LIAS: variants seen among roughly 807,000 people sequenced by gnomAD.
LIAS encodes the protein lipoic acid synthetase.
In LIAS, 36 loss-of-function variants were observed where a neutral mutation model predicts 49.4. That is an observed-to-expected ratio of 0.73 (90% CI 0.56 to 0.96). The LOEUF (loss-of-function observed/expected upper bound fraction) is 0.96, where lower values mean the gene tolerates loss of function less well. Among genes scored for constraint, LIAS ranks in the 40% least tolerant of loss-of-function variants. The probability of loss-of-function intolerance (pLI) is 0.00; values close to 1 mark genes in which losing one functional copy is unlikely to be tolerated. For synonymous variants in LIAS, 145 were observed against 155.8 expected (o/e 0.93, Z 0.52); for missense variants, 399 against 456.3 (o/e 0.87, Z 1.14).
chr4:39,476,277 T>A (rs1345300307), intron 10 of LIAS: 1 of 152,166 alleles, frequency 6.6e-6, no homozygotes, highest in Non-Finnish European at 1.5e-5. Flanking sequence ...TCCCACGACA[T>A]TTGGAGGAGG....
At chr4:39,476,858 C>A in intron 10 of LIAS, 1 of 509,878 alleles carries the variant, frequency 2.0e-6, no homozygotes, top group Non-Finnish European at 3.5e-6. Flanking sequence ...AGACTCTAGT[C>A]ATTATTGCTG....
At chr4:39,462,330 C>A in intron 3 of LIAS, 41 bp downstream of exon 3, 1 of 952,442 alleles carries the variant, frequency 1.0e-6, no homozygotes, top group Non-Finnish European at 1.5e-6. Flanking sequence ...TCACCAAAAG[C>A]CATGTTTCTA....
intron 8 of LIAS, among the ~76,000 whole-genome samples, 154 bp downstream of exon 8, chr4:39,470,318 C>G (rs1447164639): frequency 6.6e-6 from 1 of 151,266 alleles, no homozygotes; most frequent in East Asian, 1.9e-4. Context: ...ACCCTCAAAT[C>G]TAAAATACAA....
In LIAS at chr4:39,473,087, T is replaced by G. The variant is rs755822707; in HGVS notation, c.955-13T>G. ...ATTCTAAAATCTGATCAGAAGTAAT[T>G]ATTTAAATCTAGGTTGAAGAATATA... On this transcript the variant is annotated splice_polypyrimidine_tract_variant and intron_variant, in intron 9 of 10. Coordinates refer to ENST00000640888, the MANE Select transcript of LIAS (RefSeq NM_006859.4). The G allele has an allele frequency of 1.4e-6, 2 of 1,397,878 alleles. No individual in the cohort carries two copies. The highest frequency in any genetic ancestry group is 2.0e-6 in the Non-Finnish European group (2 of 983,248). The allele number at this position is 1,397,878 out of a possible 1,614,324, so 86.6% of individuals were successfully genotyped here.
intron 9 of LIAS, among the ~76,000 whole-genome samples, chr4:39,472,716 G>A (rs543001171): frequency 6.0e-4 from 91 of 152,326 alleles, no homozygotes; most frequent in South Asian, 2.9e-3. Context: ...GTGCTAAGCA[G>A]AAGATACAAG....
At position 39,465,043 on chromosome 4, in the gene LIAS, T is replaced by C. The variant is rs975449495; in HGVS notation, c.394-3T>C. ...CATTTAAATTGTAACATTTCTATTC[T>C]AGTTGATGGGTGACACATGTACAAG... is the stretch of plus-strand genomic sequence containing the variant. On this transcript the variant is annotated splice_polypyrimidine_tract_variant and splice_region_variant and intron_variant, in intron 4 of 10. Transcript: ENST00000640888. 1.9e-6 allele frequency: 3 copies of C among 1,610,268 alleles called. No individual in the cohort carries two copies. The highest frequency in any genetic ancestry group is 1.3e-5 in the African/African-American group (1 of 74,816).
At chr4:39,459,335 A>C in intron 1 of LIAS, 173 bp downstream of exon 1, 1 of 626,752 alleles carries the variant, frequency 1.6e-6, no homozygotes, top group Non-Finnish European at 2.8e-6. Context: ...GCCCCATGAT[A>C]TAGAGTCTCT....
chr4:39,462,563 A>C (rs1175504923), intron 3 of LIAS, among the ~76,000 whole-genome samples: 1 of 152,244 alleles, frequency 6.6e-6, no homozygotes, highest in East Asian at 1.9e-4. Flanking sequence ...TTAAATATGA[A>C]GGTATGTCAC....
rs1384158900 is a variant in LIAS, at chr4:39,471,294, G to T, written c.942G>T (p.Arg314Ser). 2 of 1,609,836 alleles carry T rather than the reference G, an allele frequency of 1.2e-6. No homozygotes were observed. The highest frequency in any genetic ancestry group is 1.7e-5 in the Admixed American group (1 of 59,814). Reference protein sequence around the residue: ...LTLGQYMQPTRRHLKVEEYIT... With the variant: ...LTLGQYMQPTSRHLKVEEYIT... Reference sequence around the variant, plus strand: ...TAGGACAATATATGCAGCCAACAAGGCGTCACCTTAAGGTACATGTATCTT... The same window carrying T: ...TAGGACAATATATGCAGCCAACAAGTCGTCACCTTAAGGTACATGTATCTT... Residue 314 changes from arginine (R) to serine (S), a missense_variant, in exon 9 of 11, where the codon AGG becomes AGT. Physicochemically the swap from Arg to Ser is moderately radical, Grantham distance 110. This residue lies in a region of LIAS where 234 missense variants were observed against 292.2 expected (regional missense o/e 0.80). Transcript: ENST00000640888.
At chr4:39,473,265 A>C in intron 10 of LIAS, 54 bp downstream of exon 10, 1 of 1,072,460 alleles carries the variant, frequency 9.3e-7, no homozygotes, top group Non-Finnish European at 1.4e-6. Flanking sequence ...TTCCACATTA[A>C]GTTCTACCAC....
intron 2 of LIAS, among the ~76,000 whole-genome samples, chr4:39,461,880 A>G (rs995509314): frequency 6.6e-6 from 1 of 152,096 alleles, no homozygotes; most frequent in Non-Finnish European, 1.5e-5. Flanking sequence ...TTTTTAGTAG[A>G]GACAGGGCTT....
chr4:39,467,574 C>A lies in LIAS; in HGVS notation c.665C>A (p.Ala222Glu), dbSNP rs752945214. 1.2e-6 allele frequency: 2 copies of A among 1,606,926 alleles called. No homozygotes were observed. Among genetic ancestry groups the A allele is most frequent in the East Asian group, 4.5e-5 (2 of 44,520 alleles). ...CCTGATTTTCGAGGTGATCTCAAAG[C>A]AATAGAAAAAGTTGCTCTGTCAGGA... Reference protein sequence around the residue: ...LTPDFRGDLKAIEKVALSGLD... With the variant: ...LTPDFRGDLKEIEKVALSGLD... The change falls in exon 7 of 11, where the codon GCA becomes GAA. Residue 222 changes from alanine to glutamate, a missense_variant. By Grantham distance (107) the Ala-to-Glu change is moderately radical. Transcript: ENST00000640888.
At chr4:39,471,335 T>A (rs376682507) in intron 9 of LIAS, 29 bp downstream of exon 9, 103 of 1,554,092 alleles carry the variant, frequency 6.6e-5, no homozygotes, top group Non-Finnish European at 7.4e-5. Flanking sequence ...GCTTTTTTTT[T>A]TTTTTTTTAT....
chr4:39,474,310 T>C (rs1249747150), intron 10 of LIAS, among the ~76,000 whole-genome samples: 1 of 149,414 alleles, frequency 6.7e-6, no homozygotes, highest in Non-Finnish European at 1.5e-5. Flanking sequence ...AGGTGGCTCA[T>C]GCCTGTAATC....
intron 4 of LIAS, among the ~76,000 whole-genome samples, chr4:39,464,698 C>T (rs1744691923): frequency 6.6e-6 from 1 of 152,122 alleles, no homozygotes; most frequent in Non-Finnish European, 1.5e-5. Flanking sequence ...GTTGCCCATG[C>T]TGGTCTCAGA....
At chr4:39,475,154 C>T in intron 10 of LIAS, 4 of 152,522 alleles carry the variant, frequency 2.6e-5, no homozygotes, top group Non-Finnish European at 5.9e-5. Context: ...TTGCAGTGAG[C>T]CAAGATCCTG....
intron 6 of LIAS, among the ~76,000 whole-genome samples, chr4:39,465,866 C>T (rs565642854): frequency 6.6e-6 from 1 of 152,100 alleles, no homozygotes; most frequent in Non-Finnish European, 1.5e-5. Flanking sequence ...ACCATGTTGG[C>T]CAGGATGGTC....
intron 6 of LIAS, 30 bp downstream of exon 6, chr4:39,465,372 G>C: frequency 1.3e-6 from 2 of 1,571,930 alleles, no homozygotes; most frequent in Non-Finnish European, 1.7e-6. Flanking sequence ...TGTAATTTAA[G>C]GACCTTTTTG....
In LIAS at chr4:39,467,657, G is replaced by A. The variant is rs760672937; in HGVS notation, c.737+11G>A. The A allele has an allele frequency of 3.9e-6, 6 of 1,530,066 alleles. No individual in the cohort carries two copies. The East Asian group carries it at 1.4e-4, about 36-fold the overall frequency. The allele number at this position is 1,530,066 out of a possible 1,614,324, so 94.8% of individuals were successfully genotyped here. A position where few individuals can be genotyped will look rare whatever the true frequency, so the allele number is the denominator to read the frequency against. ...CCCGGAATTACAGAGGTGAATACGT[G>A]TACAAAGTAATGTTGGGAAGTTAGG... is the stretch of plus-strand genomic sequence containing the variant. On this transcript the variant is annotated intron_variant, in intron 7 of 10. Transcript: ENST00000640888.
Sources: gnomAD v4.1 joint callset for allele counts (sites outside exome capture counted in the v4.1 genomes callset) on GRCh38, gnomAD v4.1.1 for gene constraint, gnomAD v4.1.1 regional missense constraint, MANE v1.5 for transcripts, NCBI Gene and HGNC (gene_info 2026-07-23, HGNC 2026-07-21) for gene names.